DNAH10: variants seen among roughly 807,000 people sequenced by gnomAD.
DNAH10 encodes dynein axonemal heavy chain 10.
In DNAH10, 348 loss-of-function variants were observed where a neutral mutation model predicts 506.6. That is an observed-to-expected ratio of 0.69 (90% CI 0.63 to 0.75). The LOEUF is 0.75. DNAH10 is among the 30% of genes least tolerant of loss of function. The probability of loss-of-function intolerance (pLI) is 0.00; values close to 1 mark genes in which losing one functional copy is unlikely to be tolerated. For missense variants in DNAH10, 5,179 were observed against 5,787.1 expected (o/e 0.89, Z 3.41); for synonymous variants, 2,059 against 2,198.6 (o/e 0.94, Z 1.78).
At chr12:123,789,781 G>A (rs536835937) in intron 10 of DNAH10, 146 bp from the exon 11 acceptor site, 46 of 717,964 alleles carry the variant, frequency 6.4e-5, no homozygotes, top group Non-Finnish European at 9.1e-5. Context: ...CTTGGGCATC[G>A]TACCGAAGGG....
At chr12:123,838,776 A>C in intron 29 of DNAH10, 87 bp downstream of exon 29, 1 of 1,243,022 alleles carries the variant, frequency 8.0e-7, no homozygotes, top group South Asian at 1.3e-5. Context: ...ATGAGGTTCA[A>C]CCCAGAGGGT....
chr12:123,861,948 G>T (rs139515008), intron 39 of DNAH10, among the ~76,000 whole-genome samples: 1 of 152,158 alleles, frequency 6.6e-6, no homozygotes, highest in African/African-American at 2.4e-5. Context: ...TGAGCAGTTC[G>T]TCAGGATTTC....
chr12:123,826,736 A>C lies in DNAH10; in HGVS notation c.4229A>C (p.Gln1410Pro). Residue 1410 changes from glutamine to proline, a missense_variant, in exon 25 of 79, where the codon CAG (glutamine) becomes CCG (proline). Physicochemically the swap from Gln to Pro is moderately conservative, Grantham distance 76. Coordinates refer to ENST00000673944, the MANE Select transcript of DNAH10 (RefSeq NM_001372106.1). ...ACCCTTTGGATCAACCTGAATGTGC[A>C]GATTCTCCAGGAAGGAATTGAAGGT... Reference protein sequence around the residue: ...SQTLWINLNVQILQEGIEGFL... With the variant: ...SQTLWINLNVPILQEGIEGFL... The C allele has an allele frequency of 6.2e-7, 1 of 1,613,906 alleles. No homozygotes were observed. Among genetic ancestry groups the C allele is most frequent in the Non-Finnish European group, 8.5e-7 (1 of 1,179,796 alleles).
intron 59 of DNAH10, 63 bp downstream of exon 59, chr12:123,910,735 C>G: frequency 3.2e-6 from 5 of 1,585,862 alleles, no homozygotes; most frequent in Non-Finnish European, 4.3e-6. Flanking sequence ...TCAGAATTCA[C>G]ATGTACATAC....
chr12:123,767,533 G>A (rs1957092644), intron 1 of DNAH10, 73 bp from the exon 2 acceptor site: 1 of 1,446,316 alleles, frequency 6.9e-7, no homozygotes, highest in African/African-American at 1.4e-5. Context: ...TCCACAGAAA[G>A]CAAAGATATC....
At chr12:123,929,151 A>G in intron 70 of DNAH10, 124 bp from the exon 71 acceptor site, 1 of 964,662 alleles carries the variant, frequency 1.0e-6, no homozygotes, top group Non-Finnish European at 1.6e-6. Flanking sequence ...GACTTTAGCT[A>G]TTGGAGGTCT....
At position 123,928,283 on chromosome 12, in the gene DNAH10, C is replaced by T; in HGVS notation, c.12106-104C>T. 8 of 1,297,264 alleles carry T rather than the reference C, an allele frequency of 6.2e-6. No individual in the cohort carries two copies. Among genetic ancestry groups the T allele is most frequent in the Non-Finnish European group, 8.4e-6 (8 of 953,666 alleles). The allele number at this position is 1,297,264 out of a possible 1,614,324, so 80.4% of individuals were successfully genotyped here. A position where few individuals can be genotyped will look rare whatever the true frequency, so the allele number is the denominator to read the frequency against. The stretch of plus-strand genomic sequence containing the variant: ...ATCCTCGGCTTGCTTTTGGCTTCTG[C>T]TGGAGCTGCCATCGCCCTTCTGTGG... On this transcript the variant is annotated intron_variant, in intron 69 of 78. Coordinates refer to ENST00000673944, the MANE Select transcript of DNAH10 (RefSeq NM_001372106.1). This position sits in a 1 kb window ranked among gnomAD's most constrained non-coding sequence, Gnocchi z 4.9.
At position 123,926,633 on chromosome 12, in the gene DNAH10, C is replaced by T. The variant is rs761484872; in HGVS notation, c.11922-4C>T. On this transcript the variant is annotated splice_polypyrimidine_tract_variant and splice_region_variant and intron_variant, in intron 68 of 78. Transcript: ENST00000673944. This position sits in a 1 kb window ranked among gnomAD's most constrained non-coding sequence, Gnocchi z 4.1. The stretch of plus-strand genomic sequence containing the variant: ...GAGTTTTCTGACTGTGTTTCTTTCA[C>T]CAGGTATGTGCAGCCCCCAATGATC... 5 of 1,608,820 alleles carry T rather than the reference C, an allele frequency of 3.1e-6. No homozygotes were observed. The highest frequency in any genetic ancestry group is 4.2e-6 in the Non-Finnish European group (5 of 1,177,212).
chr12:123,879,384 G>A, intron 49 of DNAH10, 27 bp downstream of exon 49: 1 of 1,547,448 alleles, frequency 6.5e-7, no homozygotes, highest in Non-Finnish European at 8.7e-7. Context: ...CTTCTTCTCA[G>A]GAAATTCTTC....
chr12:123,857,658 G>A (rs1951449864), intron 37 of DNAH10, among the ~76,000 whole-genome samples: 1 of 152,240 alleles, frequency 6.6e-6, no homozygotes, highest in African/African-American at 2.4e-5. Flanking sequence ...AACGCGCGAG[G>A]TGGAGGTTGC....
intron 5 of DNAH10, among the ~76,000 whole-genome samples, chr12:123,777,037 G>C (rs1188019835): frequency 6.6e-6 from 1 of 152,138 alleles, no homozygotes; most frequent in Non-Finnish European, 1.5e-5. Flanking sequence ...AGATAGGGTG[G>C]CCAGGAAGAC....
chr12:123,920,793 A>C (rs989728328), intron 65 of DNAH10, among the ~76,000 whole-genome samples: 10 of 151,960 alleles, frequency 6.6e-5, no homozygotes, highest in African/African-American at 2.4e-4. Flanking sequence ...TTTTGGAGAC[A>C]GGGTCTGGCT....
chr12:123,888,942 CTTGT>C (rs774399543), intron 52 of DNAH10, among the ~76,000 whole-genome samples: 31 of 152,154 alleles, frequency 2.0e-4, no homozygotes, highest in Non-Finnish European at 3.4e-4. Flanking sequence ...TCATCGATTG[CTTGT>C]TTGTTTCAGC....
rs1011423817 is a variant in DNAH10, at chr12:123,787,481, C to T, written c.1422-323C>T. Among the ~76,000 whole-genome samples, 1 of 152,246 alleles carries T rather than the reference C, an allele frequency of 6.6e-6. No individual in the cohort carries two copies. The highest frequency in any genetic ancestry group is 1.5e-5 in the Non-Finnish European group (1 of 68,046). On this transcript the variant is annotated intron_variant, in intron 9 of 78. Transcript: ENST00000673944. The surrounding 1 kb of genome is among the most constrained non-coding windows in gnomAD (Gnocchi z 4.6). Reference sequence around the variant, plus strand: ...GTACCCAAATGGAGGCATTGTCCTGCGCCGTGTTGCAGCTGCCGCTGTTGA... The same window carrying T: ...GTACCCAAATGGAGGCATTGTCCTGTGCCGTGTTGCAGCTGCCGCTGTTGA...
At chr12:123,895,771 TA>T (rs758089048) in intron 54 of DNAH10, among the ~76,000 whole-genome samples, 1 of 152,134 alleles carries the variant, frequency 6.6e-6, no homozygotes, top group East Asian at 1.9e-4. Context: ...TTCAGCATCA[TA>T]AATAATGCTG....
intron 5 of DNAH10, among the ~76,000 whole-genome samples, chr12:123,776,363 C>T (rs916861328): frequency 2.6e-5 from 4 of 151,652 alleles, no homozygotes; most frequent in African/African-American, 4.8e-5. Flanking sequence ...GAGGGTGAGG[C>T]GGGAGGATCG....
intron 43 of DNAH10, among the ~76,000 whole-genome samples, chr12:123,868,823 G>A (rs10846566): frequency 0.44 from 67,080 of 152,090 alleles, 15,409 homozygotes; most frequent in Non-Finnish European, 0.5. Context: ...GACAGTCATG[G>A]AGCAAATCAA....
At chr12:123,789,153 CAGG>C (rs1957982456) in intron 10 of DNAH10, among the ~76,000 whole-genome samples, 1 of 151,676 alleles carries the variant, frequency 6.6e-6, no homozygotes, top group Non-Finnish European at 1.5e-5. Flanking sequence ...GAGGCTGAGG[CAGG>C]AGAATTGCTT....
chr12:123,899,230 G>A (rs529868707), intron 56 of DNAH10, among the ~76,000 whole-genome samples: 119 of 152,108 alleles, frequency 7.8e-4, no homozygotes, highest in South Asian at 6.5e-3. Context: ...CCCTTCCCTC[G>A]GTCTTCTTGG....
Sources: allele counts gnomAD v4.1 joint callset (sites outside exome capture counted in the v4.1 genomes callset), GRCh38; gene constraint gnomAD v4.1.1; non-coding constraint Gnocchi (gnomAD v3.1); transcripts MANE v1.5; gene names NCBI Gene and HGNC (gene_info 2026-07-23, HGNC 2026-07-21).